The following ADK variants were observed in gnomAD, a reference collection of about 807,000 sequenced individuals.
ADK encodes the protein N6,N6-dimethyladenosine kinase.
In ADK, 24 loss-of-function variants were observed where a neutral mutation model predicts 44.7. The ratio of observed to expected loss-of-function variants is 0.54; its 90% CI spans 0.39 to 0.76. ADK has a LOEUF of 0.76. Ranked by LOEUF, ADK falls within the 30% of genes least tolerant of loss-of-function variation. The pLI is 0.00. For missense variants in ADK, 321 were observed against 425.1 expected (o/e 0.76, Z 2.15); for synonymous variants, 128 against 142.6 (o/e 0.90, Z 0.73).
chr10:74,478,750 A>G (rs993346226), intron 6 of ADK, among the ~76,000 whole-genome samples: 4 of 152,164 alleles, frequency 2.6e-5, no homozygotes, highest in Admixed American at 1.3e-4. Flanking sequence ...TTAGTGTTTA[A>G]TACTTAGCAT....
intron 4 of ADK, among the ~76,000 whole-genome samples, chr10:74,321,083 G>T (rs140187347): frequency 6.6e-6 from 1 of 151,902 alleles, no homozygotes; most frequent in Non-Finnish European, 1.5e-5. Flanking sequence ...TTGTAAGTTC[G>T]CTTGTTTTTA....
chr10:74,478,481 C>G (rs1359628933), intron 6 of ADK, among the ~76,000 whole-genome samples: 3 of 152,204 alleles, frequency 2.0e-5, no homozygotes, highest in Non-Finnish European at 2.9e-5. Context: ...CCTTGGCCTC[C>G]CATAATGCTG....
At chr10:74,643,507 A>T (rs1256625088) in intron 9 of ADK, among the ~76,000 whole-genome samples, 2 of 152,132 alleles carry the variant, frequency 1.3e-5, no homozygotes, top group Non-Finnish European at 2.9e-5. Flanking sequence ...TTTCCATTTA[A>T]ACCTGTTGTA....
intron 9 of ADK, among the ~76,000 whole-genome samples, chr10:74,634,551 A>G (rs1343949361): frequency 1.3e-5 from 2 of 152,204 alleles, no homozygotes; most frequent in East Asian, 3.9e-4. Context: ...TAAATATTTT[A>G]GGTTCACAGG....
At chr10:74,353,563 T>C (rs1246595279) in intron 4 of ADK, among the ~76,000 whole-genome samples, 1 of 120,788 alleles carries the variant, frequency 8.3e-6, no homozygotes. Context: ...ATCCCAGAAC[T>C]TAAAGTTAAA....
intron 6 of ADK, among the ~76,000 whole-genome samples, chr10:74,444,694 A>G (rs1845536116): frequency 6.6e-6 from 1 of 152,012 alleles, no homozygotes; most frequent in South Asian, 2.1e-4. Context: ...TAATAAAGCC[A>G]TTTCTTTTTA....
intron 2 of ADK, among the ~76,000 whole-genome samples, chr10:74,212,343 A>T (rs1564596078): frequency 6.6e-6 from 1 of 152,196 alleles, no homozygotes; most frequent in Non-Finnish European, 1.5e-5. Flanking sequence ...CATATGTTTT[A>T]TGGTTACTCT....
chr10:74,402,769 A>C (rs918929965), intron 6 of ADK, among the ~76,000 whole-genome samples: 2 of 152,160 alleles, frequency 1.3e-5, no homozygotes, highest in Non-Finnish European at 2.9e-5. Flanking sequence ...GTCATTCTCC[A>C]TCCAGCTGTG....
chr10:74,319,772 A>G (rs1840747174), intron 4 of ADK, among the ~76,000 whole-genome samples: 1 of 152,082 alleles, frequency 6.6e-6, no homozygotes. Context: ...ATTATTTACC[A>G]TTTGAATTAC....
chr10:74,592,358 A>C (rs1238021420), intron 8 of ADK, among the ~76,000 whole-genome samples: 1 of 152,152 alleles, frequency 6.6e-6, no homozygotes, highest in East Asian at 1.9e-4. Context: ...TTTAGAACAT[A>C]AATAAAAATA....
intron 3 of ADK, among the ~76,000 whole-genome samples, chr10:74,304,308 T>C (rs1840176051): frequency 6.6e-6 from 1 of 152,168 alleles, no homozygotes; most frequent in Non-Finnish European, 1.5e-5. Flanking sequence ...AAGTTATTTT[T>C]CCACAATTAT....
intron 2 of ADK, among the ~76,000 whole-genome samples, chr10:74,220,157 A>G (rs983925213): frequency 6.6e-6 from 1 of 152,140 alleles, no homozygotes; most frequent in Non-Finnish European, 1.5e-5. Context: ...AGAAGAATCA[A>G]ATAGACGCAA....
At chr10:74,475,185 A>C (rs1846781904) in intron 6 of ADK, among the ~76,000 whole-genome samples, 1 of 152,164 alleles carries the variant, frequency 6.6e-6, no homozygotes, top group African/African-American at 2.4e-5. Flanking sequence ...ATTGTCATTT[A>C]TATCAATAGG....
intron 3 of ADK, among the ~76,000 whole-genome samples, chr10:74,240,836 T>G (rs1302042063): frequency 6.6e-6 from 1 of 152,228 alleles, no homozygotes; most frequent in Non-Finnish European, 1.5e-5. Context: ...ATTTTAAAAC[T>G]GTAACATCTT....
chr10:74,639,516 A>C (rs1262025146), intron 9 of ADK, among the ~76,000 whole-genome samples: 3 of 152,230 alleles, frequency 2.0e-5, no homozygotes, highest in Non-Finnish European at 2.9e-5. Flanking sequence ...TAAACAAATC[A>C]GAATATAAAA....
intron 3 of ADK, among the ~76,000 whole-genome samples, chr10:74,262,460 G>A (rs1564622759): frequency 6.6e-6 from 1 of 152,172 alleles, no homozygotes; most frequent in African/African-American, 2.4e-5. Flanking sequence ...GGCAGGGAAG[G>A]CAAGGAGAGG....
chr10:74,311,080 A>G (rs7897750), intron 3 of ADK, among the ~76,000 whole-genome samples: 5,518 of 152,254 alleles, frequency 0.036, 358 homozygotes, highest in African/African-American at 0.13. Context: ...TGTATAAAAG[A>G]GCCATAATTG....
chr10:74,660,257 T>C (rs184212704), intron 9 of ADK, among the ~76,000 whole-genome samples: 4 of 152,212 alleles, frequency 2.6e-5, no homozygotes, highest in Non-Finnish European at 5.9e-5. Flanking sequence ...GCCTCCCGAA[T>C]AGCTGGGGCT....
chr10:74,380,736 C>G (rs570545126), intron 4 of ADK, among the ~76,000 whole-genome samples: 2 of 151,728 alleles, frequency 1.3e-5, no homozygotes, highest in African/African-American at 4.8e-5. Flanking sequence ...CCAGCCTGGG[C>G]GACAGAGTGA....
Sources: allele counts gnomAD v4.1 joint callset (sites outside exome capture counted in the v4.1 genomes callset), GRCh38; gene constraint gnomAD v4.1.1; transcripts MANE v1.5; gene names NCBI Gene and HGNC (gene_info 2026-07-23, HGNC 2026-07-21).